VANGL1: variants seen among roughly 807,000 people sequenced by gnomAD.
The protein encoded by VANGL1 is vang-like protein 1.
A neutral mutation model predicts 48.4 loss-of-function variants in VANGL1; 18 were observed. That is an observed-to-expected ratio of 0.37 (90% CI 0.26 to 0.55). The LOEUF (loss-of-function observed/expected upper bound fraction) is 0.55, where lower values mean the gene tolerates loss of function less well. VANGL1 is among the 20% of genes least tolerant of loss of function. VANGL1 has a pLI of 0.81. For synonymous variants in VANGL1, 257 were observed against 261.8 expected, an observed-to-expected ratio of 0.98 and a Z score of 0.18; for missense variants, 667 against 675.8, an observed-to-expected ratio of 0.99 and a Z score of 0.14.
rs768049470 is a variant in VANGL1 at position 115,684,081 on chromosome 1, A to G, written c.1079+5A>G. 1 of 1,613,122 alleles carries G rather than the reference A, an allele frequency of 6.2e-7. No individual in the cohort carries two copies. Among genetic ancestry groups the G allele is most frequent in the South Asian group, 1.1e-5 (1 of 91,064 alleles). On this transcript the variant is annotated splice_donor_5th_base_variant and intron_variant, in intron 6 of 7. Transcript: ENST00000355485. ...AGTAAAGAAGCGGAAAGCAAGGTAT[A>G]CTGCCCTCCTGATGCCAGTACCCTC...
chr1:115,658,465 GTGT>G (rs1557764773), intron 2 of VANGL1, among the ~76,000 whole-genome samples: 2 of 152,296 alleles, frequency 1.3e-5, no homozygotes, highest in East Asian at 3.9e-4. Flanking sequence ...ACATTATGTG[GTGT>G]TGTCATTGTC....
intron 1 of VANGL1, among the ~76,000 whole-genome samples, chr1:115,646,133 G>A (rs543064149): frequency 6.6e-6 from 1 of 152,276 alleles, no homozygotes; most frequent in South Asian, 2.1e-4. Context: ...AATTCTGTTT[G>A]AGGCTGATTA....
At chr1:115,662,119 G>T (rs1456568450) in intron 3 of VANGL1, among the ~76,000 whole-genome samples, 3 of 152,154 alleles carry the variant, frequency 2.0e-5, no homozygotes, top group Admixed American at 2.0e-4. Context: ...TCTCACTGTA[G>T]GTGATACTTC....
chr1:115,663,933 ACTC>A lies in VANGL1; in HGVS notation c.481_483del (p.Leu161del). On this transcript the variant is annotated inframe_deletion, in exon 4 of 8. Coordinates refer to ENST00000355485, the MANE Select transcript of VANGL1 (RefSeq NM_138959.3). ...GGCTCTTTATCTCCATGGCATTCAA[ACTC>A]CTCATTCTGCTCATAGGGACCTGGG... The A allele has an allele frequency of 6.2e-7, 1 of 1,613,822 alleles. No individual in the cohort carries two copies.
In VANGL1 at chr1:115,663,937, C is replaced by G. The variant is rs761072179; in HGVS notation, c.481C>G (p.Leu161Val). Reference protein sequence around the residue: ...GLFISMAFKLLILLIGTWALF... With the variant: ...GLFISMAFKLVILLIGTWALF... ...CTTTATCTCCATGGCATTCAAACTC[C>G]TCATTCTGCTCATAGGGACCTGGGC... is the stretch of plus-strand genomic sequence containing the variant. The change falls in exon 4 of 8, where the codon CTC (leucine) becomes GTC (valine). Residue 161 changes from leucine to valine, a missense_variant. Transcript: ENST00000355485. 1 of 1,614,222 alleles carries G rather than the reference C, an allele frequency of 6.2e-7. No individual in the cohort carries two copies. Among genetic ancestry groups the G allele is most frequent in the Non-Finnish European group, 8.5e-7 (1 of 1,180,044 alleles).
intron 3 of VANGL1, among the ~76,000 whole-genome samples, chr1:115,662,512 G>C (rs1345129733): frequency 6.6e-6 from 1 of 152,162 alleles, no homozygotes; most frequent in Non-Finnish European, 1.5e-5. Flanking sequence ...ACTGGGTTTT[G>C]CTAAGTGAAT....
chr1:115,669,953 C>G (rs940914760), intron 4 of VANGL1, among the ~76,000 whole-genome samples: 3 of 152,134 alleles, frequency 2.0e-5, no homozygotes, highest in African/African-American at 7.2e-5. Flanking sequence ...TGTGGTCCCC[C>G]CAAATTCATA....
rs560173078 is a variant in VANGL1 at position 115,697,014 on chromosome 1, A to G, written c.*5635A>G. On this transcript the variant is annotated 3_prime_UTR_variant, in exon 8 of 8. Coordinates refer to ENST00000355485, the MANE Select transcript of VANGL1 (RefSeq NM_138959.3). ...CAGTTGTTTGGTTTTGTATGTGCTT[A>G]TCTTTATCTGAGCTTTCACTTGTAG... 2 of 152,352 alleles carry G rather than the reference A, an allele frequency of 1.3e-5. No homozygotes were observed. Among genetic ancestry groups the G allele is most frequent in the Non-Finnish European group, 2.9e-5 (2 of 68,022 alleles). 9.4% of individuals were successfully genotyped at this position (152,352 alleles called of 1,614,324 possible).
intron 4 of VANGL1, among the ~76,000 whole-genome samples, chr1:115,669,633 CTGTAAGATGTGCCA>C (rs144643550): frequency 0.28 from 42,801 of 151,782 alleles, 6,370 homozygotes; most frequent in East Asian, 0.51. Context: ...TCTTCGTTGT[CTGTAAGATGTGCCA>C]TGTAAGATGT....
chr1:115,677,720 C>G (rs1222242399), intron 4 of VANGL1, among the ~76,000 whole-genome samples: 1 of 152,144 alleles, frequency 6.6e-6, no homozygotes, highest in Non-Finnish European at 1.5e-5. Context: ...GGAAAATGCT[C>G]CTTGTCATAG....
At chr1:115,672,365 A>G (rs986020375) in intron 4 of VANGL1, among the ~76,000 whole-genome samples, 2 of 152,172 alleles carry the variant, frequency 1.3e-5, no homozygotes, top group Non-Finnish European at 2.9e-5. Flanking sequence ...TATTGGTTCA[A>G]AGAATTTGGC....
At chr1:115,677,721 CT>C (rs1653220277) in intron 4 of VANGL1, among the ~76,000 whole-genome samples, 1 of 152,172 alleles carries the variant, frequency 6.6e-6, no homozygotes, top group African/African-American at 2.4e-5. Context: ...GAAAATGCTC[CT>C]TGTCATAGGT....
chr1:115,661,615 G>A (rs184749460), intron 3 of VANGL1, among the ~76,000 whole-genome samples: 5 of 151,846 alleles, frequency 3.3e-5, no homozygotes, highest in Non-Finnish European at 5.9e-5. Context: ...GGTTTTTTTT[G>A]TTGTTGTTTG....
At chr1:115,655,009 G>A (rs1163361043) in intron 2 of VANGL1, among the ~76,000 whole-genome samples, 2 of 152,230 alleles carry the variant, frequency 1.3e-5, no homozygotes, top group Non-Finnish European at 2.9e-5. Context: ...AACGAAGGGT[G>A]ACTCATGTGA....
chr1:115,687,823 G>A (rs957084716), intron 7 of VANGL1, among the ~76,000 whole-genome samples: 3 of 133,144 alleles, frequency 2.3e-5, no homozygotes, highest in Non-Finnish European at 3.2e-5. Context: ...ACAGGGTTTC[G>A]CCATGTTGGC....
At position 115,682,349 on chromosome 1, in the gene VANGL1, T is replaced by C; in HGVS notation, c.813-15T>C. On this transcript the variant is annotated splice_polypyrimidine_tract_variant and intron_variant, in intron 4 of 7. Coordinates refer to ENST00000355485, the MANE Select transcript of VANGL1 (RefSeq NM_138959.3). Reference sequence around the variant, plus strand: ...GTGAAAAAGCTTTGCATTAATTTTGTTCTTTTTTTCTCAGTATCCAGCGAG... The same window carrying C: ...GTGAAAAAGCTTTGCATTAATTTTGCTCTTTTTTTCTCAGTATCCAGCGAG... 1 of 1,613,966 alleles carries C rather than the reference T, an allele frequency of 6.2e-7. No individual in the cohort carries two copies. Among genetic ancestry groups the C allele is most frequent in the Non-Finnish European group, 8.5e-7 (1 of 1,180,018 alleles).
At chr1:115,653,826 T>G (rs1285367476) in intron 2 of VANGL1, among the ~76,000 whole-genome samples, 1 of 152,212 alleles carries the variant, frequency 6.6e-6, no homozygotes, top group Non-Finnish European at 1.5e-5. Context: ...CAAAAAATGT[T>G]CCTGGATATC....
rs1653866230 is a variant in VANGL1, at chr1:115,692,179, T to C, written c.*800T>C. On this transcript the variant is annotated 3_prime_UTR_variant, in exon 8 of 8. Transcript: ENST00000355485. Reference sequence around the variant, plus strand: ...CAAGTCAGTCCCAGCATTGTTTCCATAGGGAAGTGTGGGGTGCCCAGCAGG... The same window carrying C: ...CAAGTCAGTCCCAGCATTGTTTCCACAGGGAAGTGTGGGGTGCCCAGCAGG... 1 of 152,506 alleles carries C rather than the reference T, an allele frequency of 6.6e-6. No individual in the cohort carries two copies. Among genetic ancestry groups the C allele is most frequent in the African/African-American group, 2.4e-5 (1 of 41,408 alleles). 9.4% of individuals were successfully genotyped at this position (152,506 alleles called of 1,614,324 possible).
chr1:115,689,960 A>G lies in VANGL1; in HGVS notation c.1315-1159A>G, dbSNP rs890817551. ...AACAGAGTGAGACTCTATCTCAACA[A>G]AACAAAATCTGTTCTTGACTCTGTC... On this transcript the variant is annotated intron_variant, in intron 7 of 7. Transcript: ENST00000355485. Among the ~76,000 whole-genome samples the G allele has an allele frequency of 1.4e-5, 2 of 138,862 alleles. 1 individual carries two copies. The highest frequency in any genetic ancestry group is 5.4e-5 in the African/African-American group (2 of 36,890). The allele number at this position is 138,862 out of a possible 152,430, so 91.1% of individuals were successfully genotyped here.
Sources: gnomAD v4.1 joint callset for allele counts (sites outside exome capture counted in the v4.1 genomes callset) on GRCh38, gnomAD v4.1.1 for gene constraint, MANE v1.5 for transcripts, NCBI Gene and HGNC (gene_info 2026-07-23, HGNC 2026-07-21) for gene names.